Variants in STARD13 observed in about 807,000 individuals in gnomAD.
STARD13 encodes the protein stAR-related lipid transfer protein 13.
A neutral mutation model predicts 106.4 loss-of-function variants in STARD13; 62 were observed. The observed-to-expected ratio is 0.58, with a 90% CI of 0.48 to 0.72. The LOEUF (loss-of-function observed/expected upper bound fraction) is 0.72, where lower values mean the gene tolerates loss of function less well. Among genes scored for constraint, STARD13 ranks in the 30% least tolerant of loss-of-function variants. The pLI is 0.00. For synonymous variants in STARD13, 565 were observed against 553.0 expected (o/e 1.02, Z -0.31); for missense variants, 1,387 against 1,424.0 (o/e 0.97, Z 0.42).
chr13:33,263,534 G>C (rs1890748940), intron 1 of STARD13, among the ~76,000 whole-genome samples: 1 of 152,166 alleles, frequency 6.6e-6, no homozygotes, highest in South Asian at 2.1e-4. Flanking sequence ...TTTTAATCTT[G>C]GGAAGGGAGT....
At chr13:33,526,419 A>C in the STARD13 span, among the ~76,000 whole-genome samples, 3 of 152,174 alleles carry the variant, frequency 2.0e-5, no homozygotes, top group Non-Finnish European at 4.4e-5. Context: ...TAGCACAGCA[A>C]CTGAAACAGG....
the STARD13 span, among the ~76,000 whole-genome samples, chr13:33,471,106 T>A: frequency 6.6e-6 from 1 of 152,166 alleles, no homozygotes; most frequent in East Asian, 1.9e-4. Context: ...TTGTATAAGG[T>A]GTAAGGAAGG....
intron 6 of STARD13, 76 bp from the exon 7 acceptor site, chr13:33,126,316 G>T: frequency 6.9e-7 from 1 of 1,451,140 alleles, no homozygotes; most frequent in South Asian, 1.2e-5. Flanking sequence ...GCAAGCATGA[G>T]GGAAGCCAGG....
At chr13:33,340,580 T>C (rs1177474856) in intron 1 of STARD13, among the ~76,000 whole-genome samples, 2 of 152,230 alleles carry the variant, frequency 1.3e-5, no homozygotes, top group African/African-American at 2.4e-5. Flanking sequence ...TCATTGAATT[T>C]CCTATATAGG....
intron 1 of STARD13, among the ~76,000 whole-genome samples, chr13:33,343,193 A>G (rs1479679439): frequency 2.0e-5 from 3 of 152,068 alleles, no homozygotes; most frequent in Admixed American, 2.0e-4. Context: ...ATCTTGGCCA[A>G]CATTGCTACA....
chr13:33,136,120 C>CAAAA (rs559244711), intron 4 of STARD13, among the ~76,000 whole-genome samples: 3,809 of 145,350 alleles, frequency 0.026, 170 homozygotes, highest in African/African-American at 0.09. Flanking sequence ...GACTCTACCT[C>CAAAA]AAAAAAAAAA....
chr13:33,471,521 A>G, the STARD13 span, among the ~76,000 whole-genome samples: 1 of 152,018 alleles, frequency 6.6e-6, no homozygotes, highest in African/African-American at 2.4e-5. Flanking sequence ...AATACCTAAT[A>G]CTCCCTCAGA....
the STARD13 span, among the ~76,000 whole-genome samples, chr13:33,672,790 G>T: frequency 3.9e-5 from 6 of 152,182 alleles, no homozygotes; most frequent in African/African-American, 1.4e-4. Flanking sequence ...TGACCAATTT[G>T]CTTTGATGAA....
chr13:33,636,562 A>G, the STARD13 span, among the ~76,000 whole-genome samples: 1 of 152,150 alleles, frequency 6.6e-6, no homozygotes, highest in African/African-American at 2.4e-5. Context: ...TGAAATTCTA[A>G]ACCTTCTTCC....
the STARD13 span, among the ~76,000 whole-genome samples, chr13:33,664,934 C>T: frequency 3.2e-4 from 48 of 152,338 alleles, no homozygotes; most frequent in African/African-American, 1.1e-3. Context: ...CCAAAAACTA[C>T]TTACTCTTTT....
chr13:33,606,347 G>A, the STARD13 span, among the ~76,000 whole-genome samples: 1 of 152,036 alleles, frequency 6.6e-6, no homozygotes, highest in African/African-American at 2.4e-5. Context: ...TATATATAAG[G>A]TTATTGTAAG....
chr13:33,516,534 A>AT, the STARD13 span, among the ~76,000 whole-genome samples: 1 of 151,964 alleles, frequency 6.6e-6, no homozygotes, highest in African/African-American at 2.4e-5. Context: ...AATTTGCTTA[A>AT]TTTTTTCTCA....
At chr13:33,549,810 T>A in the STARD13 span, among the ~76,000 whole-genome samples, 1 of 152,180 alleles carries the variant, frequency 6.6e-6, no homozygotes, top group African/African-American at 2.4e-5. Flanking sequence ...ATGTGACATA[T>A]AGAAACCTTC....
At chr13:33,134,513 C>T (rs1041456661) in intron 4 of STARD13, among the ~76,000 whole-genome samples, 3 of 152,134 alleles carry the variant, frequency 2.0e-5, no homozygotes, top group Non-Finnish European at 2.9e-5. Context: ...TTAAGAGTAA[C>T]TTGAATGGGC....
At chr13:33,554,155 AATACTT>A in the STARD13 span, among the ~76,000 whole-genome samples, 3 of 152,180 alleles carry the variant, frequency 2.0e-5, no homozygotes, top group Non-Finnish European at 4.4e-5. Flanking sequence ...AAAATAGTAT[AATACTT>A]ATATAGGGAG....
At chr13:33,447,091 A>G in the STARD13 span, among the ~76,000 whole-genome samples, 1 of 152,234 alleles carries the variant, frequency 6.6e-6, no homozygotes, top group Non-Finnish European at 1.5e-5. Context: ...CTGAAAAACA[A>G]AACTGATTAT....
chr13:33,567,557 A>G, the STARD13 span, among the ~76,000 whole-genome samples: 12 of 148,250 alleles, frequency 8.1e-5, 1 homozygote, highest in Non-Finnish European at 1.0e-4. Context: ...AAAACTTGAT[A>G]TGGGCAAAAA....
At chr13:33,471,359 G>A in the STARD13 span, among the ~76,000 whole-genome samples, 3 of 152,202 alleles carry the variant, frequency 2.0e-5, no homozygotes, top group African/African-American at 7.2e-5. Context: ...TTTGCAGGCT[G>A]CAGCAGCCAG....
the STARD13 span, among the ~76,000 whole-genome samples, chr13:33,449,989 G>T: frequency 2.0e-5 from 3 of 152,044 alleles, no homozygotes; most frequent in Non-Finnish European, 4.4e-5. Context: ...TTTGTGTGAA[G>T]TACGGGGTTT....
Sources: allele counts gnomAD v4.1 joint callset (sites outside exome capture counted in the v4.1 genomes callset), GRCh38; gene constraint gnomAD v4.1.1; transcripts MANE v1.5; gene names NCBI Gene and HGNC (gene_info 2026-07-23, HGNC 2026-07-21).